KCNJ6: variants seen among roughly 807,000 people sequenced by gnomAD.
The protein encoded by KCNJ6 is G protein-activated inward rectifier potassium channel 2.
A neutral mutation model predicts 34.2 loss-of-function variants in KCNJ6; 9 were observed. The ratio of observed to expected loss-of-function variants is 0.26; its 90% CI spans 0.16 to 0.46. The LOEUF (loss-of-function observed/expected upper bound fraction) is 0.46, where lower values mean the gene tolerates loss of function less well. Among genes scored for constraint, KCNJ6 ranks in the 20% least tolerant of loss-of-function variants. KCNJ6 has a pLI of 1.00. For missense variants in KCNJ6, 236 were observed against 531.3 expected, an observed-to-expected ratio of 0.44 and a Z score of 5.46; for synonymous variants, 196 against 207.1, an observed-to-expected ratio of 0.95 and a Z score of 0.46.
intron 1 of KCNJ6, among the ~76,000 whole-genome samples, chr21:37,908,246 C>T (rs936021980): frequency 2.0e-5 from 3 of 152,194 alleles, no homozygotes; most frequent in African/African-American, 4.8e-5. Context: ...TGACATTTCT[C>T]TTTTCTAGGT....
intron 3 of KCNJ6, among the ~76,000 whole-genome samples, chr21:37,626,614 T>C (rs1224398859): frequency 2.0e-5 from 3 of 152,108 alleles, no homozygotes; most frequent in African/African-American, 4.8e-5. Flanking sequence ...GCATAAGATA[T>C]GAGAAATGAC....
intron 3 of KCNJ6, among the ~76,000 whole-genome samples, chr21:37,686,436 C>T (rs910340572): frequency 2.0e-5 from 3 of 148,718 alleles, no homozygotes; most frequent in Non-Finnish European, 3.0e-5. Context: ...GCAACCTCCA[C>T]GCATTCACTC....
chr21:37,704,033 T>C lies in KCNJ6; in HGVS notation c.946+10178A>G, dbSNP rs577816156. 3.3e-5 allele frequency among the ~76,000 whole-genome samples: 5 copies of C among 152,380 alleles called. No homozygotes were observed. In the South Asian group the frequency reaches 8.3e-4, roughly 25 times the overall value. ...CTGCCTTCCCTTTCATTTGTAGTCA[T>C]GACCCATCTGTTGTTGGCTTAACAG... On this transcript the variant is annotated intron_variant, in intron 3 of 3. Transcript: ENST00000609713.
chr21:37,743,342 G>A (rs1334644443), intron 2 of KCNJ6, among the ~76,000 whole-genome samples: 3 of 152,164 alleles, frequency 2.0e-5, no homozygotes, highest in South Asian at 2.1e-4. Flanking sequence ...ATATGTGTGT[G>A]TGTGATACAT....
At chr21:37,684,647 G>A (rs370367774) in intron 3 of KCNJ6, among the ~76,000 whole-genome samples, 1 of 152,214 alleles carries the variant, frequency 6.6e-6, no homozygotes, top group Non-Finnish European at 1.5e-5. Context: ...GCTAAAGTGG[G>A]TGGGATAAAA....
intron 3 of KCNJ6, among the ~76,000 whole-genome samples, chr21:37,634,904 T>A (rs2054350533): frequency 6.6e-6 from 1 of 151,912 alleles, no homozygotes; most frequent in Admixed American, 6.6e-5. Context: ...GATTACAGGC[T>A]TGCACCACCA....
At chr21:37,750,039 T>TA (rs898748538) in intron 2 of KCNJ6, among the ~76,000 whole-genome samples, 28 of 151,512 alleles carry the variant, frequency 1.8e-4, no homozygotes, top group Middle Eastern at 3.4e-3. Flanking sequence ...TAAAGGCATT[T>TA]AAAAAAAAAT....
At chr21:37,745,112 A>T (rs1349263209) in intron 2 of KCNJ6, among the ~76,000 whole-genome samples, 3 of 81,800 alleles carry the variant, frequency 3.7e-5, no homozygotes, top group African/African-American at 1.0e-4. Context: ...TTTTTTTTTG[A>T]CAGACAGGGT....
At chr21:37,851,398 G>A (rs1274894199) in intron 1 of KCNJ6, among the ~76,000 whole-genome samples, 4 of 152,126 alleles carry the variant, frequency 2.6e-5, no homozygotes, top group African/African-American at 7.2e-5. Context: ...ACTAAGTCAG[G>A]GGAATATTTT....
intron 2 of KCNJ6, among the ~76,000 whole-genome samples, chr21:37,763,536 C>A (rs1015812924): frequency 1.3e-5 from 2 of 152,154 alleles, no homozygotes; most frequent in South Asian, 4.1e-4. Context: ...GACTTTCCTG[C>A]CCACTGAGTG....
chr21:37,681,099 C>G (rs1392041118), intron 3 of KCNJ6, among the ~76,000 whole-genome samples: 1 of 152,188 alleles, frequency 6.6e-6, no homozygotes, highest in Non-Finnish European at 1.5e-5. Context: ...ATCTCTAGAA[C>G]TGAATGGAAG....
rs181184267 is a variant in KCNJ6, at chr21:37,814,317, T to C, written c.25+26341A>G. ...GGATGTGAAGAAAAGGGAGCCCTTGTATGCTGTTGGTGAGAATGCAAATTA... is the reference window on the plus strand; with the variant it reads ...GGATGTGAAGAAAAGGGAGCCCTTGCATGCTGTTGGTGAGAATGCAAATTA... On this transcript the variant is annotated intron_variant, in intron 2 of 3. Coordinates refer to ENST00000609713, the MANE Select transcript of KCNJ6 (RefSeq NM_002240.5). Among the ~76,000 whole-genome samples the C allele has an allele frequency of 2.7e-3, 416 of 152,358 alleles. 2 individuals carry two copies. Among genetic ancestry groups the C allele is most frequent in the Admixed American group, 4.5e-3 (69 of 15,308 alleles).
chr21:37,820,975 T>C (rs2055370454), intron 2 of KCNJ6, among the ~76,000 whole-genome samples: 1 of 152,240 alleles, frequency 6.6e-6, no homozygotes, highest in African/African-American at 2.4e-5. Flanking sequence ...GGCTTTCCTG[T>C]CTTAAGAGAG....
At chr21:37,645,449 T>C (rs188810120) in intron 3 of KCNJ6, among the ~76,000 whole-genome samples, 71 of 152,228 alleles carry the variant, frequency 4.7e-4, no homozygotes, top group African/African-American at 1.6e-3. Context: ...ACCAGGAAGA[T>C]GATAAAATAG....
intron 2 of KCNJ6, among the ~76,000 whole-genome samples, chr21:37,764,935 C>A (rs1329866272): frequency 6.6e-6 from 1 of 152,236 alleles, no homozygotes; most frequent in Non-Finnish European, 1.5e-5. Context: ...CAAGCCAAAC[C>A]TTCCTTCTCA....
intron 2 of KCNJ6, among the ~76,000 whole-genome samples, chr21:37,785,565 G>A (rs2055188917): frequency 6.6e-6 from 1 of 152,194 alleles, no homozygotes; most frequent in African/African-American, 2.4e-5. Flanking sequence ...TAGTCAGGAT[G>A]CACTATTAGC....
At chr21:37,792,517 A>G (rs138196582) in intron 2 of KCNJ6, among the ~76,000 whole-genome samples, 1 of 152,348 alleles carries the variant, frequency 6.6e-6, no homozygotes, top group Non-Finnish European at 1.5e-5. Flanking sequence ...AAAAGCACAG[A>G]TTCTAGAGTC....
At chr21:37,905,418 C>T (rs957791638) in intron 1 of KCNJ6, among the ~76,000 whole-genome samples, 4 of 152,172 alleles carry the variant, frequency 2.6e-5, no homozygotes, top group Non-Finnish European at 4.4e-5. Context: ...GTAGACCATA[C>T]CCCTGCCTGA....
At chr21:37,861,154 C>T (rs1201928728) in intron 1 of KCNJ6, among the ~76,000 whole-genome samples, 1 of 152,206 alleles carries the variant, frequency 6.6e-6, no homozygotes. Context: ...CGACTCCCTA[C>T]CCTAGACTGT....
Sources: gnomAD v4.1 joint callset for allele counts (sites outside exome capture counted in the v4.1 genomes callset) on GRCh38, gnomAD v4.1.1 for gene constraint, MANE v1.5 for transcripts, NCBI Gene and HGNC (gene_info 2026-07-23, HGNC 2026-07-21) for gene names.